Variants in CELF2 observed in about 807,000 individuals in gnomAD.
CELF2 encodes CUGBP Elav-like family member 2.
A neutral mutation model predicts 62.6 loss-of-function variants in CELF2; 8 were observed. The ratio of observed to expected loss-of-function variants is 0.13; its 90% CI spans 0.07 to 0.23. The LOEUF (loss-of-function observed/expected upper bound fraction) is 0.23. CELF2 is among the 10% of genes least tolerant of loss of function. The probability of loss-of-function intolerance (pLI) is 1.00; values close to 1 mark genes in which losing one functional copy is unlikely to be tolerated. For synonymous variants in CELF2, 258 were observed against 250.0 expected (o/e 1.03, Z -0.30); for missense variants, 333 against 671.0 (o/e 0.50, Z 5.56).
chr10:11,014,078 G>A (rs528032170), upstream of CELF2, among the ~76,000 whole-genome samples: 1 of 152,326 alleles, frequency 6.6e-6, no homozygotes, highest in Admixed American at 6.5e-5. Flanking sequence ...AAATGGCTGT[G>A]AGCACGCTGG....
the CELF2 span, among the ~76,000 whole-genome samples, chr10:10,564,802 C>A: frequency 2.6e-5 from 4 of 151,826 alleles, no homozygotes; most frequent in Non-Finnish European, 5.9e-5. Context: ...CTACCTCCAC[C>A]AAGAAAAGCA....
At chr10:10,730,022 G>A in the CELF2 span, among the ~76,000 whole-genome samples, 1 of 152,168 alleles carries the variant, frequency 6.6e-6, no homozygotes, top group Admixed American at 6.6e-5. Flanking sequence ...TACATCTTCA[G>A]CATCTGTGGA....
chr10:11,298,308 G>C (rs1360043961), intron 9 of CELF2, among the ~76,000 whole-genome samples: 1 of 152,202 alleles, frequency 6.6e-6, no homozygotes, highest in Non-Finnish European at 1.5e-5. Context: ...ATCTCGACCT[G>C]GTACTAGCAC....
the CELF2 span, among the ~76,000 whole-genome samples, chr10:10,784,859 T>A: frequency 6.6e-6 from 1 of 152,178 alleles, no homozygotes; most frequent in South Asian, 2.1e-4. Flanking sequence ...CTCCTGTCCA[T>A]ATCATCACCT....
At chr10:10,593,124 G>A in the CELF2 span, among the ~76,000 whole-genome samples, 1 of 152,182 alleles carries the variant, frequency 6.6e-6, no homozygotes, top group South Asian at 2.1e-4. Flanking sequence ...GTTAGGAACT[G>A]AAGTGGTGAG....
chr10:10,790,720 T>G, the CELF2 span, among the ~76,000 whole-genome samples: 1 of 152,164 alleles, frequency 6.6e-6, no homozygotes, highest in Non-Finnish European at 1.5e-5. Flanking sequence ...GGCTTCTGCC[T>G]TCTACCATGT....
chr10:10,788,830 C>T, the CELF2 span, among the ~76,000 whole-genome samples: 1 of 152,090 alleles, frequency 6.6e-6, no homozygotes, highest in East Asian at 1.9e-4. Context: ...CTGGAAGCAC[C>T]TCAATGCGTT....
At chr10:10,806,644 G>A (rs368597914) in intron 1 of CELF2, among the ~76,000 whole-genome samples, 13 of 152,176 alleles carry the variant, frequency 8.5e-5, no homozygotes, top group African/African-American at 3.1e-4. Context: ...ATCAGATCAT[G>A]GAGCCAAATA....
At chr10:10,956,883 A>G (rs2048963095) in intron 2 of CELF2, among the ~76,000 whole-genome samples, 1 of 151,914 alleles carries the variant, frequency 6.6e-6, no homozygotes, top group Non-Finnish European at 1.5e-5. Context: ...GCAGTGAGCT[A>G]TGATTGCACC....
chr10:10,703,868 G>A, the CELF2 span, among the ~76,000 whole-genome samples: 15 of 152,176 alleles, frequency 9.9e-5, no homozygotes, highest in Non-Finnish European at 1.9e-4. Context: ...TACGATCACA[G>A]AACCCTAATC....
At chr10:11,126,825 G>A (rs1489668853) in intron 1 of CELF2, among the ~76,000 whole-genome samples, 2 of 151,524 alleles carry the variant, frequency 1.3e-5, no homozygotes, top group African/African-American at 4.9e-5. Context: ...CATGCCCCTG[G>A]GGATATAGTT....
At chr10:11,022,548 TC>T (rs899735905) in intron 1 of CELF2, among the ~76,000 whole-genome samples, 42 of 152,122 alleles carry the variant, frequency 2.8e-4, no homozygotes, top group African/African-American at 9.9e-4. Flanking sequence ...TTTTTTTTTC[TC>T]CCCTGACAGC....
chr10:10,586,189 C>T, the CELF2 span, among the ~76,000 whole-genome samples: 1 of 152,232 alleles, frequency 6.6e-6, no homozygotes, highest in Non-Finnish European at 1.5e-5. Context: ...TTGCTTTACA[C>T]TTATTCCCTT....
chr10:11,031,736 C>T (rs548840040), intron 1 of CELF2, among the ~76,000 whole-genome samples: 1 of 152,192 alleles, frequency 6.6e-6, no homozygotes, highest in African/African-American at 2.4e-5. Context: ...AACAAAAATA[C>T]AGCCAAAGAA....
the CELF2 span, among the ~76,000 whole-genome samples, chr10:10,499,098 A>C: frequency 7.1e-6 from 1 of 141,396 alleles, no homozygotes; most frequent in East Asian, 2.1e-4. Flanking sequence ...AGAGAGTCTC[A>C]CTCTGTTGCC....
the CELF2 span, among the ~76,000 whole-genome samples, chr10:10,585,218 C>T: frequency 2.0e-5 from 3 of 152,152 alleles, no homozygotes; most frequent in African/African-American, 7.2e-5. Context: ...TCCCAAAACT[C>T]ATCCATTGTC....
At chr10:10,607,356 C>G in the CELF2 span, among the ~76,000 whole-genome samples, 2 of 152,226 alleles carry the variant, frequency 1.3e-5, no homozygotes, top group South Asian at 4.1e-4. Context: ...GACAGCCTAA[C>G]AAAACGCCTG....
chr10:10,742,879 T>C, the CELF2 span, among the ~76,000 whole-genome samples: 1,711 of 152,300 alleles, frequency 0.011, 35 homozygotes, highest in African/African-American at 0.04. Flanking sequence ...GGCATCTTCA[T>C]GAGAAGGAGA....
At chr10:11,326,573 C>G (rs1257722715) in intron 12 of CELF2, among the ~76,000 whole-genome samples, 1 of 152,210 alleles carries the variant, frequency 6.6e-6, no homozygotes, top group Non-Finnish European at 1.5e-5. Flanking sequence ...CTCAAGCAGC[C>G]TGGACTCTGC....
Sources: allele counts gnomAD v4.1 joint callset (sites outside exome capture counted in the v4.1 genomes callset), GRCh38; gene constraint gnomAD v4.1.1; transcripts MANE v1.5; gene names NCBI Gene and HGNC (gene_info 2026-07-23, HGNC 2026-07-21).